MPP7: variants seen among roughly 807,000 people sequenced by gnomAD.
MPP7 encodes MAGUK p55 subfamily member 7.
In MPP7, 60 loss-of-function variants were observed where a neutral mutation model predicts 76.5. The observed-to-expected ratio is 0.78, with a 90% CI of 0.64 to 0.97. The LOEUF (loss-of-function observed/expected upper bound fraction) is 0.97, where lower values mean the gene tolerates loss of function less well. MPP7 is among the 50% of genes least tolerant of loss of function. MPP7 has a pLI of 0.00. For synonymous variants in MPP7, 237 were observed against 244.5 expected (o/e 0.97, Z 0.29); for missense variants, 641 against 694.0 (o/e 0.92, Z 0.86).
chr10:28,130,765 G>T (rs1835166921), intron 6 of MPP7, among the ~76,000 whole-genome samples: 1 of 152,102 alleles, frequency 6.6e-6, no homozygotes, highest in Non-Finnish European at 1.5e-5. Flanking sequence ...ATTCTTCTGG[G>T]TAGTGTATTT....
chr10:28,111,107 A>G (rs1441438135), intron 11 of MPP7, among the ~76,000 whole-genome samples: 2 of 152,130 alleles, frequency 1.3e-5, no homozygotes, highest in African/African-American at 4.8e-5. Flanking sequence ...TTATACATGT[A>G]CCTTTAATTT....
intron 2 of MPP7, among the ~76,000 whole-genome samples, chr10:28,322,023 C>G (rs1305742016): frequency 6.7e-6 from 1 of 149,960 alleles, no homozygotes; most frequent in East Asian, 2.0e-4. Context: ...AAGATAAAAA[C>G]CTGCTTTTCT....
At chr10:28,117,941 GGAGA>G (rs762113333) in intron 11 of MPP7, 2 of 188,774 alleles carry the variant, frequency 1.1e-5, no homozygotes, top group Non-Finnish European at 2.0e-5. Context: ...CAGAGAGAGA[GGAGA>G]AAGAAAGAGA....
chr10:28,176,102 G>A (rs1836850181), intron 3 of MPP7, among the ~76,000 whole-genome samples: 1 of 152,124 alleles, frequency 6.6e-6, no homozygotes, highest in African/African-American at 2.4e-5. Context: ...GCAGGGTAAA[G>A]GAATTCCTAT....
intron 3 of MPP7, among the ~76,000 whole-genome samples, chr10:28,160,643 G>A (rs146925395): frequency 1.3e-5 from 2 of 152,320 alleles, no homozygotes; most frequent in African/African-American, 4.8e-5. Context: ...CTGAATACAT[G>A]AATCTAACAA....
intron 1 of MPP7, among the ~76,000 whole-genome samples, chr10:28,285,847 T>A (rs1589029062): frequency 6.7e-6 from 1 of 148,772 alleles, no homozygotes. Flanking sequence ...GGTAGCCTGT[T>A]TTTTTTTTTA....
At chr10:28,209,281 T>A (rs1473193849) in intron 2 of MPP7, among the ~76,000 whole-genome samples, 1 of 152,044 alleles carries the variant, frequency 6.6e-6, no homozygotes, top group Non-Finnish European at 1.5e-5. Context: ...CCTGGGCAAC[T>A]TAGAAAGAAC....
At chr10:28,105,336 A>C (rs1306505387) in intron 11 of MPP7, among the ~76,000 whole-genome samples, 3 of 152,096 alleles carry the variant, frequency 2.0e-5, no homozygotes, top group Non-Finnish European at 4.4e-5. Context: ...GGTTGAAAAT[A>C]TGGATACAAA....
At position 28,255,945 on chromosome 10, in the gene MPP7, C is replaced by T. The variant is rs1039811014; in HGVS notation, c.-131-17210G>A. 2.6e-5 allele frequency among the ~76,000 whole-genome samples: 4 copies of T among 152,078 alleles called. No individual in the cohort carries two copies. In the East Asian group the frequency reaches 5.8e-4, roughly 22 times the overall value. On this transcript the variant is annotated intron_variant, in intron 1 of 16. Coordinates refer to ENST00000683449, the MANE Select transcript of MPP7 (RefSeq NM_001318170.2). The stretch of plus-strand genomic sequence containing the variant: ...GACCATAGTATGAGTGTTTTACTTC[C>T]TTTATACTTAGTGAAATATACTTCA...
At chr10:28,174,176 T>A (rs1836781069) in intron 3 of MPP7, among the ~76,000 whole-genome samples, 3 of 152,154 alleles carry the variant, frequency 2.0e-5, no homozygotes, top group Admixed American at 1.3e-4. Flanking sequence ...CAGCAACGAC[T>A]GTCATACACT....
intron 5 of MPP7, among the ~76,000 whole-genome samples, chr10:28,147,205 T>C (rs572290286): frequency 1.3e-5 from 2 of 152,362 alleles, no homozygotes; most frequent in African/African-American, 4.8e-5. Context: ...AGGTTCTGTA[T>C]AGTGTACTCT....
intron 3 of MPP7, among the ~76,000 whole-genome samples, chr10:28,167,092 C>T (rs75818413): frequency 0.12 from 18,920 of 152,054 alleles, 1,934 homozygotes; most frequent in African/African-American, 0.28. Context: ...GGGCGGATTA[C>T]TTGAGCTCAG....
At chr10:28,204,635 T>A (rs962100917) in intron 2 of MPP7, among the ~76,000 whole-genome samples, 1 of 152,074 alleles carries the variant, frequency 6.6e-6, no homozygotes, top group Non-Finnish European at 1.5e-5. Flanking sequence ...GTACATGAGA[T>A]CATAACATCA....
chr10:28,054,172 T>C lies in MPP7; in HGVS notation c.1624A>G (p.Ile542Val), dbSNP rs1851460953. Reference sequence around the variant, plus strand: ...ACAGTGAGGTCATCATTTATTATAATTTTGTCAAAAAGATGACCATATTGA... The same window carrying C: ...ACAGTGAGGTCATCATTTATTATAACTTTGTCAAAAAGATGACCATATTGA... ...ESQYGHLFDK[I>V]IINDDLTVAF... Residue 542 changes from isoleucine (I) to valine (V), a missense_variant, in exon 17 of 17, where the codon ATT (isoleucine) becomes GTT (valine). Physicochemically the swap from Ile to Val is conservative, Grantham distance 29. Coordinates refer to ENST00000683449, the MANE Select transcript of MPP7 (RefSeq NM_001318170.2). 6.2e-7 allele frequency: 1 copy of C among 1,607,344 alleles called. No individual in the cohort carries two copies.
chr10:28,293,033 C>A (rs1348969048), intron 1 of MPP7, among the ~76,000 whole-genome samples: 1 of 138,632 alleles, frequency 7.2e-6, no homozygotes, highest in East Asian at 2.3e-4. Flanking sequence ...CTACACAAGA[C>A]CCAGAAGGTT....
chr10:28,219,287 A>G (rs6481513), intron 2 of MPP7, among the ~76,000 whole-genome samples: 26,360 of 152,168 alleles, frequency 0.17, 2,588 homozygotes, highest in African/African-American at 0.26. Flanking sequence ...CATTTTTCCA[A>G]TTCCAGAAAA....
chr10:28,099,761 C>A (rs375899384), intron 11 of MPP7, among the ~76,000 whole-genome samples: 5 of 151,772 alleles, frequency 3.3e-5, no homozygotes, highest in South Asian at 2.1e-4. Context: ...GAGCCAAGAT[C>A]GTGCCATTGC....
intron 2 of MPP7, among the ~76,000 whole-genome samples, chr10:28,205,001 G>A (rs1223556239): frequency 6.6e-6 from 1 of 152,138 alleles, no homozygotes; most frequent in Non-Finnish European, 1.5e-5. Context: ...TAATTTTTCT[G>A]TTAGCAGAAG....
intron 11 of MPP7, among the ~76,000 whole-genome samples, chr10:28,111,797 G>A (rs1409072066): frequency 6.6e-6 from 1 of 152,104 alleles, no homozygotes; most frequent in Non-Finnish European, 1.5e-5. Context: ...AGTTAAATAT[G>A]ACTTCAGAGA....
Sources: gnomAD v4.1 joint callset for allele counts (sites outside exome capture counted in the v4.1 genomes callset) on GRCh38, gnomAD v4.1.1 for gene constraint, MANE v1.5 for transcripts, NCBI Gene and HGNC (gene_info 2026-07-23, HGNC 2026-07-21) for gene names.